The following LRP1B variants were observed in gnomAD, a reference collection of about 807,000 sequenced individuals.
LRP1B encodes the protein LDL receptor related protein 1B.
Under a neutral mutation model 556.6 loss-of-function variants are expected in LRP1B, and 217 were observed. The ratio of observed to expected loss-of-function variants is 0.39; its 90% CI spans 0.35 to 0.44. The LOEUF is 0.44. Among genes scored for constraint, LRP1B ranks in the 20% least tolerant of loss-of-function variants. The pLI, the probability that LRP1B is intolerant of heterozygous loss-of-function variation, is 1.00. For missense variants in LRP1B, 5,053 were observed against 5,620.8 expected, an observed-to-expected ratio of 0.90 and a Z score of 3.23; for synonymous variants, 2,047 against 1,865.8, an observed-to-expected ratio of 1.10 and a Z score of -2.50.
chr2:140,420,757 C>T (rs1028511825), intron 66 of LRP1B, among the ~76,000 whole-genome samples: 9 of 152,076 alleles, frequency 5.9e-5, no homozygotes, highest in African/African-American at 2.2e-4. Flanking sequence ...AAAATGAATA[C>T]ATGCTGTATG....
chr2:142,070,726 T>A (rs1319927678), intron 1 of LRP1B, among the ~76,000 whole-genome samples: 2 of 151,942 alleles, frequency 1.3e-5, no homozygotes, highest in Admixed American at 1.3e-4. Context: ...CACTTCCATC[T>A]ATTCTTATCT....
intron 82 of LRP1B, among the ~76,000 whole-genome samples, chr2:140,321,238 T>G (rs1466144813): frequency 2.4e-5 from 1 of 41,448 alleles, no homozygotes; most frequent in Non-Finnish European, 6.8e-5. Flanking sequence ...TGTTTTGTGT[T>G]TTTTTTATTT....
intron 3 of LRP1B, among the ~76,000 whole-genome samples, chr2:141,478,303 T>A (rs12479203): frequency 7.2e-5 from 11 of 152,110 alleles, no homozygotes; most frequent in African/African-American, 2.4e-4. Flanking sequence ...TGTGTAATCA[T>A]CTCTGATGAA....
chr2:141,591,602 G>GTGTGTGTGTGTGTGTC (rs1687343454), intron 2 of LRP1B, among the ~76,000 whole-genome samples: 1 of 151,626 alleles, frequency 6.6e-6, no homozygotes, highest in African/African-American at 2.4e-5. Context: ...GTGTGTGTGT[G>GTGTGTGTGTGTGTGTC]TGTGTGTCTG....
chr2:142,023,002 T>A (rs1339543173), intron 1 of LRP1B, among the ~76,000 whole-genome samples: 2 of 152,150 alleles, frequency 1.3e-5, no homozygotes, highest in East Asian at 3.9e-4. Flanking sequence ...TAATGCTGTG[T>A]CTAGAAGACC....
At chr2:141,527,170 T>C (rs1406298000) in intron 2 of LRP1B, among the ~76,000 whole-genome samples, 1 of 152,110 alleles carries the variant, frequency 6.6e-6, no homozygotes, top group Non-Finnish European at 1.5e-5. Context: ...CTCATTGCTT[T>C]TTTCCAGGAC....
intron 32 of LRP1B, among the ~76,000 whole-genome samples, chr2:140,784,626 AAATAG>A (rs1297299008): frequency 6.6e-6 from 1 of 152,034 alleles, no homozygotes; most frequent in African/African-American, 2.4e-5. Flanking sequence ...GCAGCAGCAA[AAATAG>A]AAAACAATAC....
intron 2 of LRP1B, among the ~76,000 whole-genome samples, chr2:141,483,739 T>G (rs1301255685): frequency 6.6e-6 from 1 of 152,004 alleles, no homozygotes; most frequent in Non-Finnish European, 1.5e-5. Context: ...TTTCATGTGT[T>G]TTTTGGCTGC....
intron 2 of LRP1B, among the ~76,000 whole-genome samples, chr2:141,610,927 C>A (rs542039929): frequency 6.6e-6 from 1 of 152,250 alleles, no homozygotes; most frequent in East Asian, 1.9e-4. Flanking sequence ...ATTGGAGGAG[C>A]AACTGGTTAG....
chr2:141,106,543 A>ATTC (rs1317789616), intron 7 of LRP1B, among the ~76,000 whole-genome samples: 2 of 151,954 alleles, frequency 1.3e-5, no homozygotes, highest in Non-Finnish European at 1.5e-5. Context: ...AAGTAAATAG[A>ATTC]CATGTCTGGA....
intron 3 of LRP1B, among the ~76,000 whole-genome samples, chr2:141,370,293 C>A (rs982733941): frequency 6.6e-6 from 1 of 152,138 alleles, no homozygotes; most frequent in Non-Finnish European, 1.5e-5. Context: ...CTTTTCTCTA[C>A]ATCCCTTCCA....
At chr2:141,466,748 G>A (rs1289448016) in intron 3 of LRP1B, among the ~76,000 whole-genome samples, 2 of 152,020 alleles carry the variant, frequency 1.3e-5, no homozygotes, top group Non-Finnish European at 2.9e-5. Flanking sequence ...CAGAAATAAG[G>A]GAGTCTGGGA....
At chr2:141,424,725 T>C (rs898815069) in intron 3 of LRP1B, among the ~76,000 whole-genome samples, 1 of 152,198 alleles carries the variant, frequency 6.6e-6, no homozygotes, top group South Asian at 2.1e-4. Context: ...TATTGCAGTG[T>C]TCTACAGACC....
intron 53 of LRP1B, among the ~76,000 whole-genome samples, chr2:140,504,651 A>G (rs988215098): frequency 6.6e-6 from 1 of 152,190 alleles, no homozygotes; most frequent in African/African-American, 2.4e-5. Flanking sequence ...TGACAAAATT[A>G]ACCCTTAACC....
chr2:141,685,470 A>T (rs1055795084), intron 2 of LRP1B, among the ~76,000 whole-genome samples: 1 of 152,088 alleles, frequency 6.6e-6, no homozygotes, highest in Non-Finnish European at 1.5e-5. Context: ...GGACCATACT[A>T]AACTGAGTAA....
At chr2:140,872,377 T>G (rs1282319632) in intron 25 of LRP1B, among the ~76,000 whole-genome samples, 1 of 146,532 alleles carries the variant, frequency 6.8e-6, no homozygotes, top group African/African-American at 2.5e-5. Context: ...TTTTTTTTTT[T>G]TTTTTTTTTT....
At chr2:141,171,841 T>C (rs1680513442) in intron 7 of LRP1B, among the ~76,000 whole-genome samples, 1 of 152,058 alleles carries the variant, frequency 6.6e-6, no homozygotes, top group African/African-American at 2.4e-5. Flanking sequence ...ATTGCGTGGA[T>C]CAATGTGGAA....
rs532409904 is a variant in LRP1B, at chr2:141,951,633, A to T, written c.83-141232T>A. 3.3e-5 allele frequency among the ~76,000 whole-genome samples: 5 copies of T among 152,328 alleles called. No homozygotes were observed. In the East Asian group the frequency reaches 9.6e-4, roughly 29 times the overall value. On this transcript the variant is annotated intron_variant, in intron 1 of 90. Coordinates refer to ENST00000389484, the MANE Select transcript of LRP1B (RefSeq NM_018557.3). ...ACAGTTTGCAAATAATTGCTGAAAC[A>T]TTGGGATAGTTACCATCACAACTTT...
At chr2:141,093,447 T>C (rs755343862) in intron 7 of LRP1B, among the ~76,000 whole-genome samples, 2 of 152,116 alleles carry the variant, frequency 1.3e-5, no homozygotes, top group Non-Finnish European at 2.9e-5. Flanking sequence ...ATAAAATATA[T>C]AGTAGAATTT....
Sources: gnomAD v4.1 joint callset for allele counts (sites outside exome capture counted in the v4.1 genomes callset) on GRCh38, gnomAD v4.1.1 for gene constraint, MANE v1.5 for transcripts, NCBI Gene and HGNC (gene_info 2026-07-23, HGNC 2026-07-21) for gene names.